Variants in MYO10 observed in about 807,000 individuals in gnomAD.
MYO10 encodes the protein myosin X.
A neutral mutation model predicts 257.3 loss-of-function variants in MYO10; 133 were observed. The ratio of observed to expected loss-of-function variants is 0.52; its 90% confidence interval spans 0.45 to 0.60. The LOEUF is 0.60. MYO10 is among the 20% of genes least tolerant of loss of function. The probability of loss-of-function intolerance (pLI) is 0.00; values close to 1 mark genes in which losing one functional copy is unlikely to be tolerated. For synonymous variants in MYO10, 1,104 were observed against 1,028.6 expected, an observed-to-expected ratio of 1.07 and a Z score of -1.40; for missense variants, 2,399 against 2,635.7, an observed-to-expected ratio of 0.91 and a Z score of 1.97.
At chr5:16,712,683 C>CA (rs1445519552) in intron 19 of MYO10, among the ~76,000 whole-genome samples, 1 of 152,252 alleles carries the variant, frequency 6.6e-6, no homozygotes, top group Admixed American at 6.5e-5. Context: ...CTGTCCCTCA[C>CA]AGCTTTTGAT....
intron 36 of MYO10, 51 bp from the exon 37 acceptor site, chr5:16,672,876 C>G (rs756389227): frequency 5.0e-6 from 8 of 1,586,154 alleles, no homozygotes; most frequent in Non-Finnish European, 6.0e-6. Context: ...GGCCCCAACA[C>G]GTGTTCCCAG....
intron 19 of MYO10, among the ~76,000 whole-genome samples, chr5:16,749,956 G>A (rs1287404145): frequency 2.0e-5 from 3 of 152,196 alleles, no homozygotes; most frequent in Non-Finnish European, 4.4e-5. Context: ...ACACCCTTGG[G>A]GAGGTTCTGA....
intron 9 of MYO10, among the ~76,000 whole-genome samples, chr5:16,775,980 C>T (rs1279028089): frequency 6.6e-6 from 1 of 152,086 alleles, no homozygotes; most frequent in Admixed American, 6.5e-5. Flanking sequence ...ACTGTAACCT[C>T]CATCTCCCAG....
intron 3 of MYO10, among the ~76,000 whole-genome samples, chr5:16,796,279 G>A (rs1476195585): frequency 1.4e-5 from 2 of 139,206 alleles, no homozygotes; most frequent in African/African-American, 5.3e-5. Flanking sequence ...AAGAAGGAAA[G>A]AAAGAAAGAA....
intron 3 of MYO10, among the ~76,000 whole-genome samples, chr5:16,796,130 A>C (rs1279689130): frequency 6.7e-6 from 1 of 148,522 alleles, no homozygotes; most frequent in East Asian, 2.0e-4. Flanking sequence ...TGGAGGTTGC[A>C]GTGAGCCAAG....
chr5:16,797,280 C>A (rs1180162125), intron 3 of MYO10, among the ~76,000 whole-genome samples: 2 of 151,994 alleles, frequency 1.3e-5, no homozygotes, highest in African/African-American at 2.4e-5. Flanking sequence ...ATGAGGGATG[C>A]CCAACTGGTA....
chr5:16,680,151 G>T, intron 32 of MYO10, 47 bp from the exon 33 acceptor site: 3 of 1,580,356 alleles, frequency 1.9e-6, no homozygotes, highest in Non-Finnish European at 2.6e-6. Flanking sequence ...CGCCAACCTC[G>T]GGGACTGAGG....
chr5:16,920,760 TA>T (rs1393907018), intron 1 of MYO10, among the ~76,000 whole-genome samples: 1 of 152,240 alleles, frequency 6.6e-6, no homozygotes, highest in Non-Finnish European at 1.5e-5. Flanking sequence ...GAATGGCAGG[TA>T]CACAGAAAGG....
intron 9 of MYO10, among the ~76,000 whole-genome samples, chr5:16,769,508 G>T (rs1325588996): frequency 1.3e-5 from 2 of 151,962 alleles, no homozygotes; most frequent in African/African-American, 2.4e-5. Context: ...CTAATTTTTT[G>T]TGTGTGTTTT....
At chr5:16,845,179 T>C (rs536961682) in intron 2 of MYO10, among the ~76,000 whole-genome samples, 1 of 152,226 alleles carries the variant, frequency 6.6e-6, no homozygotes, top group African/African-American at 2.4e-5. Flanking sequence ...CAGTACATTT[T>C]TTCCTGAAAG....
At chr5:16,742,571 G>A (rs1167626771) in intron 19 of MYO10, among the ~76,000 whole-genome samples, 2 of 152,138 alleles carry the variant, frequency 1.3e-5, no homozygotes, top group African/African-American at 4.8e-5. Flanking sequence ...TATAATCCCA[G>A]CACTTCGGGA....
At chr5:16,671,873 C>A (rs1736480710) in intron 37 of MYO10, among the ~76,000 whole-genome samples, 1 of 152,164 alleles carries the variant, frequency 6.6e-6, no homozygotes, top group Non-Finnish European at 1.5e-5. Context: ...TTACCTTTAC[C>A]AAGCCTCAGA....
intron 4 of MYO10, among the ~76,000 whole-genome samples, chr5:16,788,737 T>G (rs1741665551): frequency 6.7e-6 from 1 of 150,246 alleles, no homozygotes; most frequent in African/African-American, 2.5e-5. Flanking sequence ...AGCTGAGGAG[T>G]GGCCGTGGAG....
chr5:16,864,556 C>CA (rs1744190496), intron 2 of MYO10, among the ~76,000 whole-genome samples: 1 of 152,182 alleles, frequency 6.6e-6, no homozygotes, highest in South Asian at 2.1e-4. Context: ...GCAGAAGAGA[C>CA]AGACATCTCT....
intron 2 of MYO10, among the ~76,000 whole-genome samples, chr5:16,850,115 C>A (rs1476685211): frequency 3.3e-5 from 5 of 152,168 alleles, no homozygotes; most frequent in African/African-American, 1.2e-4. Flanking sequence ...TTGGTCTACA[C>A]TGATATCCTT....
At chr5:16,733,791 C>G (rs1007399704) in intron 19 of MYO10, among the ~76,000 whole-genome samples, 1 of 152,194 alleles carries the variant, frequency 6.6e-6, no homozygotes, top group Admixed American at 6.5e-5. Flanking sequence ...CCAGGTTATT[C>G]CCATCCCCGG....
chr5:16,794,539 G>T, intron 4 of MYO10, 107 bp downstream of exon 4: 1 of 1,057,364 alleles, frequency 9.5e-7, no homozygotes, highest in Non-Finnish European at 1.3e-6. Context: ...AAACTCAGGC[G>T]GTTGTAAAAG....
chr5:16,742,484 G>A (rs1740050249), intron 19 of MYO10, among the ~76,000 whole-genome samples: 1 of 152,162 alleles, frequency 6.6e-6, no homozygotes, highest in Admixed American at 6.5e-5. Flanking sequence ...GGTGCTCCAG[G>A]TGCAGGAGAC....
chr5:16,920,309 T>C (rs1745946687), intron 1 of MYO10, among the ~76,000 whole-genome samples: 1 of 152,060 alleles, frequency 6.6e-6, no homozygotes, highest in Admixed American at 6.6e-5. Context: ...TAAATAAAAG[T>C]GTTCCTGAAC....
Sources: allele counts gnomAD v4.1 joint callset (sites outside exome capture counted in the v4.1 genomes callset), GRCh38; gene constraint gnomAD v4.1.1; transcripts MANE v1.5; gene names NCBI Gene and HGNC (gene_info 2026-07-23, HGNC 2026-07-21).